Variants in GNAI2 observed in about 807,000 individuals in gnomAD.
GNAI2 encodes the protein guanine nucleotide-binding protein G(i) subunit alpha-2.
In GNAI2, 4 loss-of-function variants were observed where a neutral mutation model predicts 36.8. The observed-to-expected ratio is 0.11, with a 90% CI of 0.05 to 0.25. GNAI2 has a LOEUF of 0.25. GNAI2 is among the 10% of genes least tolerant of loss of function. The probability of loss-of-function intolerance (pLI) is 1.00; values close to 1 mark genes in which losing one functional copy is unlikely to be tolerated. For synonymous variants in GNAI2, 194 were observed against 194.1 expected (o/e 1.00, Z 0.01); for missense variants, 230 against 481.3 (o/e 0.48, Z 4.89).
upstream of GNAI2, among the ~76,000 whole-genome samples, chr3:50,233,892 CTT>C (rs11313623): frequency 9.6e-4 from 106 of 110,200 alleles, no homozygotes; most frequent in African/African-American, 3.3e-3. Context: ...TAACAAGGTT[CTT>C]TTTTTTTTTT....
intron 1 of GNAI2, among the ~76,000 whole-genome samples, chr3:50,237,514 C>T (rs1236227302): frequency 6.6e-6 from 1 of 152,188 alleles, no homozygotes; most frequent in Admixed American, 6.5e-5. Context: ...TGCCCACACC[C>T]CTTCTGGGCT....
At chr3:50,236,183 G>C (rs587594773), upstream of GNAI2, 181 of 1,172,150 alleles carry the variant, frequency 1.5e-4, 1 homozygote, top group African/African-American at 2.6e-3. The surrounding 1 kb of genome is among the most constrained non-coding windows in gnomAD (Gnocchi z 4.0). Context: ...GGTGCGCGGC[G>C]GTAGGGAAGG....
intron 1 of GNAI2, among the ~76,000 whole-genome samples, chr3:50,245,900 C>G (rs946642421): frequency 6.6e-6 from 1 of 152,264 alleles, no homozygotes; most frequent in Non-Finnish European, 1.5e-5. Flanking sequence ...GCACTGTGAA[C>G]CCCTGGAAGC....
At chr3:50,246,592 T>C (rs1407265663) in intron 1 of GNAI2, among the ~76,000 whole-genome samples, 5 of 152,194 alleles carry the variant, frequency 3.3e-5, no homozygotes, top group African/African-American at 1.2e-4. Flanking sequence ...CCTGGTGTTG[T>C]GGGTTTGAGC....
exon 1 of GNAI2, chr3:50,230,861 C>A: frequency 1.0e-6 from 1 of 985,498 alleles, no homozygotes; most frequent in Non-Finnish European, 1.2e-6. Flanking sequence ...CCCTCTGCCC[C>A]CAAAATGAAC....
chr3:50,251,390 G>A, intron 1 of GNAI2: 1 of 1,014,496 alleles, frequency 9.9e-7, no homozygotes, highest in Non-Finnish European at 1.2e-6. Flanking sequence ...GCTGTACCAG[G>A]CCAGGGAAAA....
At position 50,241,726 on chromosome 3, in the gene GNAI2, CAG is replaced by C. The variant is rs1361648932; in HGVS notation, c.118+5275_118+5276del. 5.9e-5 allele frequency among the ~76,000 whole-genome samples: 9 copies of C among 152,208 alleles called. No homozygotes were observed. Among genetic ancestry groups the C allele is most frequent in the Admixed American group, 5.9e-4 (9 of 15,286 alleles). Reference sequence around the variant, plus strand: ...AGTTGCGGGACACAGGCTTCCATGTCAGAAGCCCTGAGGCAGCATCACACCAC... The same window carrying C: ...AGTTGCGGGACACAGGCTTCCATGTCAAGCCCTGAGGCAGCATCACACCAC... On this transcript the variant is annotated intron_variant, in intron 1 of 8. Transcript: ENST00000313601. This position sits in a 1 kb window ranked among gnomAD's most constrained non-coding sequence, Gnocchi z 5.0.
rs71583822 is a variant in GNAI2 at position 50,253,323 on chromosome 3, C to G, written c.464+139C>G. ...CCGATGACTGTTAACCAAGGCCTTCCTGTTTTTTGGTTTGGGGGGTGGGTG... is the reference window on the plus strand; with the variant it reads ...CCGATGACTGTTAACCAAGGCCTTCGTGTTTTTTGGTTTGGGGGGTGGGTG... On this transcript the variant is annotated intron_variant, in intron 4 of 8. Transcript: ENST00000313601. The surrounding 1 kb of genome is among the most constrained non-coding windows in gnomAD (Gnocchi z 4.2). 4 of 347,906 alleles carry G rather than the reference C, an allele frequency of 1.1e-5. No homozygotes were observed. Among genetic ancestry groups the G allele is most frequent in the East Asian group, 5.3e-5 (1 of 18,924 alleles). The allele number at this position is 347,906 out of a possible 1,614,324, so 21.6% of individuals were successfully genotyped here. A position where few individuals can be genotyped will look rare whatever the true frequency, so the allele number is the denominator to read the frequency against.
In GNAI2 at chr3:50,255,653, G is replaced by A. The variant is rs1700676060; in HGVS notation, c.465-539G>A. ...TGGCTGGCTAGCTGTCCACAGAGCTGCACCTCCTCCCATTCCCATTCTACA... is the reference window on the plus strand; with the variant it reads ...TGGCTGGCTAGCTGTCCACAGAGCTACACCTCCTCCCATTCCCATTCTACA... On this transcript the variant is annotated intron_variant, in intron 4 of 8. Transcript: ENST00000313601. The surrounding 1 kb of genome is among the most constrained non-coding windows in gnomAD (Gnocchi z 4.0). Among the ~76,000 whole-genome samples, 1 of 152,176 alleles carries A rather than the reference G, an allele frequency of 6.6e-6. No homozygotes were observed. Among genetic ancestry groups the A allele is most frequent in the Admixed American group, 6.5e-5 (1 of 15,284 alleles).
chr3:50,256,927 C>A lies in GNAI2; in HGVS notation c.724-10C>A, dbSNP rs782024192. 2 of 1,614,042 alleles carry A rather than the reference C, an allele frequency of 1.2e-6. No individual in the cohort carries two copies. Among genetic ancestry groups the A allele is most frequent in the South Asian group, 2.2e-5 (2 of 91,088 alleles). ...GGTGGCTAGCGTTGACCTTGCTATT[C>A]TACCCCCAGAACCGCATGCATGAGA... On this transcript the variant is annotated splice_polypyrimidine_tract_variant and intron_variant, in intron 6 of 8. Coordinates refer to ENST00000313601, the MANE Select transcript of GNAI2 (RefSeq NM_002070.4).
upstream of GNAI2, chr3:50,227,179 G>A (rs1310381787): frequency 1.4e-6 from 2 of 1,447,268 alleles, no homozygotes; most frequent in Non-Finnish European, 1.8e-6. This position sits in a 1 kb window ranked among gnomAD's most constrained non-coding sequence, Gnocchi z 5.9. Context: ...GGGTGTCACT[G>A]GGGACGTTCT....
chr3:50,235,699 C>T (rs1700147272), upstream of GNAI2, among the ~76,000 whole-genome samples: 1 of 152,208 alleles, frequency 6.6e-6, no homozygotes, highest in South Asian at 2.1e-4. Flanking sequence ...AAACCGCAGT[C>T]CAGAAAGGCT....
chr3:50,232,673 G>A (rs1227885112), upstream of GNAI2, among the ~76,000 whole-genome samples: 3 of 152,198 alleles, frequency 2.0e-5, no homozygotes, highest in South Asian at 2.1e-4. Flanking sequence ...GAAAGTTTCC[G>A]AGCAAGGGGG....
rs782501604 is a variant in GNAI2, at chr3:50,258,897, GGA to G, written c.*555_*556del. The G allele has an allele frequency of 8.8e-5, 35 of 398,924 alleles. No homozygotes were observed. The Admixed American group carries it at 1.6e-3, about 19-fold the overall frequency. 24.7% of individuals were successfully genotyped at this position (398,924 alleles called of 1,614,324 possible). A position where few individuals can be genotyped will look rare whatever the true frequency, so the allele number is the denominator to read the frequency against. ...AGCTTTTTAAAAAAATGAAAGTAAAGGAAAAAAAAAAAACTGCAAATCTAGAA... is the reference window on the plus strand; with the variant it reads ...AGCTTTTTAAAAAAATGAAAGTAAAGAAAAAAAAAAACTGCAAATCTAGAA... On this transcript the variant is annotated 3_prime_UTR_variant, in exon 9 of 9. Coordinates refer to ENST00000313601, the MANE Select transcript of GNAI2 (RefSeq NM_002070.4).
chr3:50,254,225 G>A lies in GNAI2; in HGVS notation c.464+1041G>A, dbSNP rs1440307576. On this transcript the variant is annotated intron_variant, in intron 4 of 8. Transcript: ENST00000313601. ...TGGTGCAGGGTGCTGAGGACCCCAC[G>A]GGGAACAGGATAGACAGGCTAATAG... 3.9e-5 allele frequency among the ~76,000 whole-genome samples: 6 copies of A among 152,138 alleles called. No individual in the cohort carries two copies. In the East Asian group the frequency reaches 5.8e-4, roughly 15 times the overall value.
At chr3:50,227,085 C>T (rs1294909856), upstream of GNAI2, 1 of 1,278,040 alleles carries the variant, frequency 7.8e-7, no homozygotes, top group Non-Finnish European at 1.0e-6. The surrounding 1 kb of genome is among the most constrained non-coding windows in gnomAD (Gnocchi z 5.9). Context: ...CGTCTAATCT[C>T]TGCTGTGAAG....
chr3:50,256,371 G>A, intron 5 of GNAI2, 51 bp downstream of exon 5: 1 of 1,562,510 alleles, frequency 6.4e-7, no homozygotes, highest in African/African-American at 1.4e-5. Context: ...CAGCCTCTGG[G>A]GTAGCAGAGG....
rs1176828704 is a variant in GNAI2, at chr3:50,242,637, T to C, written c.118+6184T>C. Among the ~76,000 whole-genome samples the C allele has an allele frequency of 6.6e-6, 1 of 152,140 alleles. No individual in the cohort carries two copies. The highest frequency in any genetic ancestry group is 2.4e-5 in the African/African-American group (1 of 41,428). On this transcript the variant is annotated intron_variant, in intron 1 of 8. Coordinates refer to ENST00000313601, the MANE Select transcript of GNAI2 (RefSeq NM_002070.4). The surrounding 1 kb of genome is among the most constrained non-coding windows in gnomAD (Gnocchi z 4.8). ...CCACCCTCACCCTGATGTTACTTCT[T>C]GGGGCTGTGGCTGCTCTTGGTGGCT...
intron 1 of GNAI2, chr3:50,251,881 C>A: frequency 1.9e-6 from 2 of 1,052,414 alleles, no homozygotes; most frequent in Non-Finnish European, 2.6e-6. Flanking sequence ...GAGAGTCTGC[C>A]ATGGGGCACA....
Sources: allele counts gnomAD v4.1 joint callset (sites outside exome capture counted in the v4.1 genomes callset), GRCh38; gene constraint gnomAD v4.1.1; non-coding constraint Gnocchi (gnomAD v3.1); transcripts MANE v1.5; gene names NCBI Gene and HGNC (gene_info 2026-07-23, HGNC 2026-07-21).